ELAC2: variants seen among roughly 807,000 people sequenced by gnomAD.
ELAC2 encodes zinc phosphodiesterase ELAC protein 2.
ELAC2 carries 92 observed loss-of-function variants against 105.2 expected under a neutral mutation model. The ratio of observed to expected loss-of-function variants is 0.87; its 90% CI spans 0.74 to 1.04. The LOEUF (loss-of-function observed/expected upper bound fraction) is 1.04, where lower values mean the gene tolerates loss of function less well. Ranked by LOEUF, ELAC2 falls within the 50% of genes least tolerant of loss-of-function variation. The pLI, the probability that ELAC2 is intolerant of heterozygous loss-of-function variation, is 0.00. For synonymous variants in ELAC2, 468 were observed against 409.1 expected, an observed-to-expected ratio of 1.14 and a Z score of -1.74; for missense variants, 1,099 against 1,071.7, an observed-to-expected ratio of 1.03 and a Z score of -0.36.
chr17:12,996,773 A>G (rs989412639), intron 16 of ELAC2, 88 bp from the exon 17 acceptor site: 10 of 1,540,820 alleles, frequency 6.5e-6, no homozygotes, highest in Non-Finnish European at 6.1e-6. Context: ...CAGGACCAAG[A>G]AGCAACTGCA....
intron 5 of ELAC2, 139 bp from the exon 6 acceptor site, chr17:13,013,414 AAGG>A: frequency 1.1e-6 from 1 of 895,866 alleles, no homozygotes; most frequent in South Asian, 1.4e-5. Flanking sequence ...CAGACTTTCT[AAGG>A]AGATTACCAT....
chr17:13,015,761 G>A lies in ELAC2; in HGVS notation c.432+7C>T, dbSNP rs780918165. The A allele has an allele frequency of 2.7e-5, 44 of 1,611,154 alleles. 1 individual carries two copies. The South Asian group carries it at 4.5e-4, about 16-fold the overall frequency. On this transcript the variant is annotated splice_region_variant and intron_variant, in intron 4 of 23. Transcript: ENST00000338034. ...TGCTTTTGAAAGATGTGTCAGGAAA[G>A]ACTCACCAGTTGTGGAGGTCCAGAA... is the stretch of plus-strand genomic sequence containing the variant.
chr17:13,013,960 C>T (rs986992080), intron 5 of ELAC2, among the ~76,000 whole-genome samples: 20 of 152,118 alleles, frequency 1.3e-4, no homozygotes, highest in African/African-American at 4.6e-4. Context: ...TCACTCCTGC[C>T]GACCTGGCCC....
At position 13,017,417 on chromosome 17, in the gene ELAC2, G is replaced by C. The variant is rs2041803287; in HGVS notation, c.245+286C>G. The C allele has an allele frequency of 4.7e-6, 3 of 642,556 alleles. No homozygotes were observed. In the East Asian group the frequency reaches 8.3e-5, roughly 18 times the overall value. 39.8% of individuals were successfully genotyped at this position (642,556 alleles called of 1,614,324 possible). Reference sequence around the variant, plus strand: ...CGCTAACAACGACACACTGGCCTTGGGGTGCACGGAAGAGGGTGGAGCTCC... The same window carrying C: ...CGCTAACAACGACACACTGGCCTTGCGGTGCACGGAAGAGGGTGGAGCTCC... On this transcript the variant is annotated intron_variant, in intron 1 of 23. Coordinates refer to ENST00000338034, the MANE Select transcript of ELAC2 (RefSeq NM_018127.7).
intron 14 of ELAC2, among the ~76,000 whole-genome samples, chr17:13,001,660 C>G (rs1033255483): frequency 1.3e-5 from 2 of 152,020 alleles, no homozygotes; most frequent in African/African-American, 4.8e-5. Flanking sequence ...GGCCAGTAAT[C>G]CCACATTTAG....
At chr17:12,996,287 T>C (rs759090447) in intron 17 of ELAC2, 33 of 641,278 alleles carry the variant, frequency 5.1e-5, no homozygotes, top group Non-Finnish European at 8.2e-5. Flanking sequence ...GAGCAGGCCG[T>C]GTGAGATTCA....
At position 13,005,824 on chromosome 17, in the gene ELAC2, C is replaced by A; in HGVS notation, c.799G>T (p.Gly267Trp). Residue 267 changes from glycine to tryptophan, a missense_variant and splice_region_variant, in exon 10 of 24, where the codon GGG becomes TGG. By Grantham distance (184) the Gly-to-Trp change is radical. Transcript: ENST00000338034. ...ATGATGGGAGCGATGGCAGCTGTCC[C>A]ACTGAAATGAAGAGGCAAGGCCTCT... is the stretch of plus-strand genomic sequence containing the variant. Reference protein sequence around the residue: ...LKAKEMGLPVGTAAIAPIIAA... With the variant: ...LKAKEMGLPVWTAAIAPIIAA... The A allele has an allele frequency of 6.2e-7, 1 of 1,614,146 alleles. No homozygotes were observed. The highest frequency in any genetic ancestry group is 8.5e-7 in the Non-Finnish European group (1 of 1,180,046).
Position 13,017,140 on chromosome 17 carries a change from A to G in ELAC2, c.246-19T>C. On this transcript the variant is annotated intron_variant, in intron 1 of 23. Transcript: ENST00000338034. Reference sequence around the variant, plus strand: ...GAGATACCTACAAGACAAACATTACACAAGACATTCAGAAGGTTTTATTCT... The same window carrying G: ...GAGATACCTACAAGACAAACATTACGCAAGACATTCAGAAGGTTTTATTCT... 1 of 1,611,404 alleles carries G rather than the reference A, an allele frequency of 6.2e-7. No homozygotes were observed. Among genetic ancestry groups the G allele is most frequent in the Middle Eastern group, 1.7e-4 (1 of 6,060 alleles).
At position 12,992,047 on chromosome 17, in the gene ELAC2, T is replaced by G. The variant is rs1184608274; in HGVS notation, c.*771A>C. Among the ~76,000 whole-genome samples, 2 of 152,164 alleles carry G rather than the reference T, an allele frequency of 1.3e-5. No homozygotes were observed. Among genetic ancestry groups the G allele is most frequent in the Non-Finnish European group, 2.9e-5 (2 of 68,026 alleles). ...GCAACAACACAGCAAATCTATTGTC[T>G]CCACTTTTACCCAGAACCACCAGAA... On this transcript the variant is annotated 3_prime_UTR_variant, in exon 24 of 24. Coordinates refer to ENST00000338034, the MANE Select transcript of ELAC2 (RefSeq NM_018127.7).
intron 3 of ELAC2, 63 bp from the exon 4 acceptor site, chr17:13,015,895 G>T: frequency 1.6e-6 from 2 of 1,270,542 alleles, no homozygotes; most frequent in Non-Finnish European, 2.3e-6. Flanking sequence ...AACAGGAGGA[G>T]CACCCCGTAC....
At chr17:12,994,331 C>G (rs974420238) in intron 22 of ELAC2, 94 bp downstream of exon 22, 7 of 1,397,674 alleles carry the variant, frequency 5.0e-6, no homozygotes, top group Admixed American at 1.7e-5. Context: ...AGCAGGGCAG[C>G]CCCACATCAG....
chr17:12,999,507 C>T lies in ELAC2; in HGVS notation c.1423+649G>A, dbSNP rs1300392438. Among the ~76,000 whole-genome samples the T allele has an allele frequency of 4.6e-5, 7 of 152,338 alleles. 1 individual carries two copies. The highest frequency in any genetic ancestry group is 2.1e-4 in the South Asian group (1 of 4,830). On this transcript the variant is annotated intron_variant, in intron 15 of 23. Coordinates refer to ENST00000338034, the MANE Select transcript of ELAC2 (RefSeq NM_018127.7). ...CCAAGATCCTCCATGGATTTGCATCCGCAAAGCCAGGACTAGATCTCTGCC... is the reference window on the plus strand; with the variant it reads ...CCAAGATCCTCCATGGATTTGCATCTGCAAAGCCAGGACTAGATCTCTGCC...
In ELAC2 at chr17:13,005,064, C is replaced by T. The variant is rs188256643; in HGVS notation, c.908G>A (p.Gly303Asp). The T allele has an allele frequency of 3.7e-6, 6 of 1,614,198 alleles. No homozygotes were observed. In the East Asian group the frequency reaches 8.9e-5, roughly 24 times the overall value. ...AEELCTPPDPGAAFVVVECPD... is the reference protein window; with the variant it reads ...AEELCTPPDPDAAFVVVECPD... The stretch of plus-strand genomic sequence containing the variant: ...ACATTCTACCACCACAAAAGCAGCA[C>T]CAGGATCTGGAGGAGTACACAGCTC... Residue 303 changes from glycine (G) to aspartate (D), a missense_variant, in exon 11 of 24, where the codon GGT (glycine) becomes GAT (aspartate). Transcript: ENST00000338034.
chr17:12,994,854 G>A lies in ELAC2; in HGVS notation c.1939C>T (p.His647Tyr), dbSNP rs1323656508. 2 of 1,613,986 alleles carry A rather than the reference G, an allele frequency of 1.2e-6. No individual in the cohort carries two copies. Among genetic ancestry groups the A allele is most frequent in the African/African-American group, 2.7e-5 (2 of 74,940 alleles). The change falls in exon 21 of 24, where the codon CAT becomes TAT. Residue 647 changes from histidine to tyrosine, a missense_variant. By Grantham distance (83) the His-to-Tyr change is moderately conservative. Coordinates refer to ENST00000338034, the MANE Select transcript of ELAC2 (RefSeq NM_018127.7). Reference sequence around the variant, plus strand: ...TGCACCAGCGCACAGCCAAACGCATGCTTGCAGTGCCGCACCAGACAGGTC... The same window carrying A: ...TGCACCAGCGCACAGCCAAACGCATACTTGCAGTGCCGCACCAGACAGGTC... Reference protein sequence around the residue: ...FQTCLVRHCKHAFGCALVHTS... With the variant: ...FQTCLVRHCKYAFGCALVHTS...
At chr17:13,002,749 A>C in intron 12 of ELAC2, 170 bp from the exon 13 acceptor site, 1 of 1,074,132 alleles carries the variant, frequency 9.3e-7, no homozygotes, top group Admixed American at 2.0e-5. Context: ...CTGCTGTCTC[A>C]AAGCCCGGTG....
intron 16 of ELAC2, among the ~76,000 whole-genome samples, chr17:12,997,671 C>T (rs2040546288): frequency 6.6e-6 from 1 of 152,140 alleles, no homozygotes; most frequent in African/African-American, 2.4e-5. Context: ...GGGCACATCT[C>T]GTCACTGCTG....
intron 17 of ELAC2, 42 bp downstream of exon 17, chr17:12,996,505 C>T (rs778543126): frequency 2.5e-6 from 4 of 1,612,684 alleles, no homozygotes; most frequent in South Asian, 1.1e-5. Flanking sequence ...CGTGGCAGTG[C>T]CTCCTCCAGG....
At chr17:12,993,537 T>G in intron 23 of ELAC2, 150 bp downstream of exon 23, 1 of 1,134,290 alleles carries the variant, frequency 8.8e-7, no homozygotes, top group South Asian at 1.5e-5. Context: ...AAACCCAGGG[T>G]GGTTCGACCT....
intron 8 of ELAC2, among the ~76,000 whole-genome samples, chr17:13,009,455 C>T (rs1598253875): frequency 6.6e-6 from 1 of 152,164 alleles, no homozygotes; most frequent in East Asian, 1.9e-4. Context: ...TTACAAACAG[C>T]TTATTGTAAC....
Sources: allele counts gnomAD v4.1 joint callset (sites outside exome capture counted in the v4.1 genomes callset), GRCh38; gene constraint gnomAD v4.1.1; transcripts MANE v1.5; gene names NCBI Gene and HGNC (gene_info 2026-07-23, HGNC 2026-07-21).